The following PTPRO variants were observed in gnomAD, a reference collection of about 807,000 sequenced individuals.
PTPRO encodes the protein protein tyrosine phosphatase receptor type O, also known as receptor-type tyrosine-protein phosphatase O.
In PTPRO, 62 loss-of-function variants were observed where a neutral mutation model predicts 145.2. The observed-to-expected ratio is 0.43, with a 90% CI of 0.35 to 0.53. The LOEUF is 0.53. PTPRO is among the 20% of genes least tolerant of loss of function. The pLI, the probability that PTPRO is intolerant of heterozygous loss-of-function variation, is 0.01. For missense variants in PTPRO, 1,345 were observed against 1,482.7 expected (o/e 0.91, Z 1.53); for synonymous variants, 565 against 514.7 (o/e 1.10, Z -1.32).
chr12:15,571,881 C>T lies in PTPRO; in HGVS notation c.2829+2383C>T, dbSNP rs140177559. 2.6e-5 allele frequency among the ~76,000 whole-genome samples: 4 copies of T among 152,146 alleles called. No homozygotes were observed. The East Asian group carries it at 5.8e-4, about 22-fold the overall frequency. On this transcript the variant is annotated intron_variant, in intron 19 of 26. Transcript: ENST00000281171. ...GGTATTGGGAGAACCAAACCATAAG[C>T]GATTAGCATGCTATCTTTAGATATC...
chr12:15,568,712 G>A (rs192460501), intron 18 of PTPRO, among the ~76,000 whole-genome samples: 4 of 152,154 alleles, frequency 2.6e-5, no homozygotes, highest in African/African-American at 7.2e-5. Flanking sequence ...CTTCTGCTGC[G>A]GATGCAGAAA....
At chr12:15,520,062 T>C (rs1449348711) in intron 9 of PTPRO, 139 bp from the exon 10 acceptor site, 2 of 595,818 alleles carry the variant, frequency 3.4e-6, no homozygotes, top group East Asian at 3.1e-5. Flanking sequence ...TATTTTATTA[T>C]AGTAAATTTA....
chr12:15,465,672 GCAGGGA>G (rs967706526), intron 1 of PTPRO, among the ~76,000 whole-genome samples: 12 of 152,148 alleles, frequency 7.9e-5, no homozygotes, highest in Non-Finnish European at 1.6e-4. Context: ...GATATTTGAA[GCAGGGA>G]CAGGATATTT....
At chr12:15,561,525 G>A (rs1336776936) in intron 17 of PTPRO, among the ~76,000 whole-genome samples, 16 of 152,072 alleles carry the variant, frequency 1.1e-4, no homozygotes, top group Admixed American at 1.0e-3. Flanking sequence ...AAAGTCAGAG[G>A]AATGTGCTAG....
chr12:15,589,777 C>G (rs545693781), intron 25 of PTPRO, among the ~76,000 whole-genome samples, 187 bp downstream of exon 25: 1 of 152,194 alleles, frequency 6.6e-6, no homozygotes, highest in East Asian at 1.9e-4. Flanking sequence ...GAAATCCATT[C>G]GACATATAGT....
chr12:15,490,608 C>T (rs1941981207), intron 2 of PTPRO, among the ~76,000 whole-genome samples: 2 of 152,098 alleles, frequency 1.3e-5, no homozygotes, highest in Non-Finnish European at 1.5e-5. Context: ...CTGTAGTTTG[C>T]TCACTTGATC....
chr12:15,552,717 TA>T, intron 15 of PTPRO, among the ~76,000 whole-genome samples: 1 of 150,824 alleles, frequency 6.6e-6, no homozygotes, highest in Admixed American at 6.6e-5. Flanking sequence ...TGAATAATCT[TA>T]AAAGGATAAG....
intron 1 of PTPRO, among the ~76,000 whole-genome samples, chr12:15,460,911 C>A (rs934643661): frequency 6.6e-6 from 1 of 152,146 alleles, no homozygotes; most frequent in African/African-American, 2.4e-5. Flanking sequence ...TCTCCTTGTT[C>A]CCCTTGTAAA....
chr12:15,471,231 AT>A (rs1809607273), intron 1 of PTPRO, among the ~76,000 whole-genome samples: 2 of 152,264 alleles, frequency 1.3e-5, no homozygotes, highest in Admixed American at 6.5e-5. Context: ...ATACAAAAAA[AT>A]AAGCAGATTT....
At chr12:15,353,736 T>C (rs1937888925) in intron 1 of PTPRO, among the ~76,000 whole-genome samples, 1 of 152,228 alleles carries the variant, frequency 6.6e-6, no homozygotes, top group Non-Finnish European at 1.5e-5. Context: ...CAACATGCTC[T>C]GAGCATTCCA....
At chr12:15,452,633 A>G (rs1252128420) in intron 1 of PTPRO, among the ~76,000 whole-genome samples, 4 of 152,238 alleles carry the variant, frequency 2.6e-5, no homozygotes, top group African/African-American at 9.6e-5. Context: ...ACAGTATATC[A>G]AAAAGATAAT....
intron 12 of PTPRO, among the ~76,000 whole-genome samples, chr12:15,535,390 A>G (rs1943046636): frequency 6.6e-6 from 1 of 152,144 alleles, no homozygotes; most frequent in Non-Finnish European, 1.5e-5. Context: ...TCAGAAAGAG[A>G]GAGTGGAAAG....
Position 15,468,448 on chromosome 12 carries a change from G to A in PTPRO, c.76-15526G>A, listed in dbSNP as rs373983832. 3.9e-4 allele frequency among the ~76,000 whole-genome samples: 60 copies of A among 152,208 alleles called. 1 individual carries two copies. In the South Asian group the frequency reaches 0.011, roughly 28 times the overall value. ...GTTATTTTGGTTTCTCATCCACATT[G>A]TGCTTTCTCCAGCACCCAGGCCTTC... On this transcript the variant is annotated intron_variant, in intron 1 of 26. Coordinates refer to ENST00000281171, the MANE Select transcript of PTPRO (RefSeq NM_030667.3).
intron 1 of PTPRO, among the ~76,000 whole-genome samples, chr12:15,409,498 A>G (rs1939735633): frequency 1.3e-5 from 2 of 152,186 alleles, no homozygotes; most frequent in Admixed American, 1.3e-4. Context: ...CGTCTTATAT[A>G]TAACAAGCTG....
chr12:15,516,385 AAGAG>A (rs1046685171), intron 8 of PTPRO, among the ~76,000 whole-genome samples: 21 of 149,130 alleles, frequency 1.4e-4, no homozygotes, highest in South Asian at 2.1e-4. Flanking sequence ...GAACGAACGA[AAGAG>A]AGAGAGAGAG....
chr12:15,397,697 A>G (rs1029493031), intron 1 of PTPRO, among the ~76,000 whole-genome samples: 1 of 152,190 alleles, frequency 6.6e-6, no homozygotes, highest in Non-Finnish European at 1.5e-5. Flanking sequence ...AGCACCTAGT[A>G]TTTTAGGGGC....
chr12:15,425,847 T>G (rs1418819904), intron 1 of PTPRO, among the ~76,000 whole-genome samples: 1 of 152,064 alleles, frequency 6.6e-6, no homozygotes, highest in Admixed American at 6.6e-5. Flanking sequence ...AATTGATGTT[T>G]AAGTGTTCCC....
chr12:15,380,668 T>C (rs940850900), intron 1 of PTPRO, among the ~76,000 whole-genome samples: 5 of 152,134 alleles, frequency 3.3e-5, no homozygotes, highest in East Asian at 1.9e-4. Context: ...TCTGATGAGG[T>C]GATTAAGTAG....
At chr12:15,419,774 T>C (rs74359413) in intron 1 of PTPRO, among the ~76,000 whole-genome samples, 2 of 151,534 alleles carry the variant, frequency 1.3e-5, no homozygotes, top group East Asian at 3.9e-4. Flanking sequence ...AATCCAACAT[T>C]AGACAGAATT....
Sources: allele counts gnomAD v4.1 joint callset (sites outside exome capture counted in the v4.1 genomes callset), GRCh38; gene constraint gnomAD v4.1.1; transcripts MANE v1.5; gene names NCBI Gene and HGNC (gene_info 2026-07-23, HGNC 2026-07-21).